The following JAKMIP3 variants were observed in gnomAD, a reference collection of about 807,000 sequenced individuals.
JAKMIP3 encodes Janus kinase and microtubule interacting protein 3.
In JAKMIP3, 58 loss-of-function variants were observed where a neutral mutation model predicts 118.5. That is an observed-to-expected ratio of 0.49 (90% CI 0.40 to 0.61). The LOEUF is 0.61. Ranked by LOEUF, JAKMIP3 falls within the 20% of genes least tolerant of loss-of-function variation. The pLI is 0.00. For synonymous variants in JAKMIP3, 486 were observed against 451.2 expected (o/e 1.08, Z -0.98); for missense variants, 950 against 1,109.0 (o/e 0.86, Z 2.04).
chr10:132,052,934 G>A (rs150279300), intron 1 of JAKMIP3, among the ~76,000 whole-genome samples: 1 of 152,206 alleles, frequency 6.6e-6, no homozygotes, highest in Non-Finnish European at 1.5e-5. Flanking sequence ...GAATTGTTTT[G>A]TGAACTGTAT....
At chr10:132,157,249 C>T (rs551070712) in intron 19 of JAKMIP3, among the ~76,000 whole-genome samples, 12 of 152,240 alleles carry the variant, frequency 7.9e-5, no homozygotes, top group South Asian at 2.1e-4. Flanking sequence ...TGTGTGCGCA[C>T]GTGCATTTTC....
In JAKMIP3 at chr10:132,118,882, C is replaced by T. The variant is rs7080342; in HGVS notation, c.633+1308C>T. ...TTTTCTGTGCGGGGAAGGAAGGAAG[C>T]GTTGCCACTGTCCCGGGAAGGTGGG... On this transcript the variant is annotated intron_variant, in intron 3 of 23. Transcript: ENST00000684848. The surrounding 1 kb of genome is among the most constrained non-coding windows in gnomAD (Gnocchi z 4.8). Among the ~76,000 whole-genome samples, 22,892 of 152,186 alleles carry T rather than the reference C, an allele frequency of 0.15. 1,891 individuals carry two copies. The highest frequency in any genetic ancestry group is 0.25 in the East Asian group (1,282 of 5,184).
At chr10:132,074,052 G>C (rs1376471383) in intron 1 of JAKMIP3, among the ~76,000 whole-genome samples, 1 of 151,998 alleles carries the variant, frequency 6.6e-6, no homozygotes, top group African/African-American at 2.4e-5. Flanking sequence ...TTTGACTTTT[G>C]TTTTGTTTTG....
intron 2 of JAKMIP3, among the ~76,000 whole-genome samples, chr10:132,110,923 C>T (rs562236630): frequency 3.9e-5 from 6 of 152,326 alleles, no homozygotes; most frequent in African/African-American, 1.2e-4. Flanking sequence ...TGTAAGTCAC[C>T]GTGTTTTTGT....
At chr10:132,080,592 G>A (rs1461431738) in intron 1 of JAKMIP3, among the ~76,000 whole-genome samples, 2 of 130,628 alleles carry the variant, frequency 1.5e-5, no homozygotes, top group African/African-American at 2.9e-5. Flanking sequence ...TGCAATGTCA[G>A]CTCACTGCAA....
chr10:132,109,656 C>T (rs1469085360), intron 2 of JAKMIP3, among the ~76,000 whole-genome samples: 1 of 152,124 alleles, frequency 6.6e-6, no homozygotes, highest in Non-Finnish European at 1.5e-5. Flanking sequence ...TGGGCTTTCT[C>T]CTCTCCCTAC....
chr10:132,057,703 G>A (rs549465650), intron 1 of JAKMIP3, among the ~76,000 whole-genome samples: 7 of 152,300 alleles, frequency 4.6e-5, no homozygotes, highest in Middle Eastern at 3.4e-3. Context: ...GTACAGCAGG[G>A]GTGTCGACCC....
chr10:132,165,441 G>A (rs1326222319), intron 21 of JAKMIP3, among the ~76,000 whole-genome samples: 16 of 152,158 alleles, frequency 1.1e-4, no homozygotes, highest in Non-Finnish European at 1.8e-4. Context: ...CTGGGGGCCC[G>A]GCTCCCGACC....
At chr10:132,056,508 T>A (rs1387938582) in intron 1 of JAKMIP3, among the ~76,000 whole-genome samples, 1 of 152,224 alleles carries the variant, frequency 6.6e-6, no homozygotes, top group Admixed American at 6.5e-5. Flanking sequence ...ATCCCCTTTG[T>A]GGCTCTGCTG....
intron 1 of JAKMIP3, among the ~76,000 whole-genome samples, chr10:132,045,150 G>C (rs1193648602): frequency 2.6e-5 from 4 of 152,068 alleles, no homozygotes; most frequent in Admixed American, 1.3e-4. Flanking sequence ...GTGCACGAGC[G>C]TTCCAGTTTC....
chr10:132,166,891 C>T (rs2058963209), intron 21 of JAKMIP3, 92 bp from the exon 22 acceptor site: 1 of 887,778 alleles, frequency 1.1e-6, no homozygotes. Context: ...TGTCTTCAGT[C>T]TGTAATCGCG....
rs112668039 is a variant in JAKMIP3, at chr10:132,180,534, T to C, written c.*1104-1823T>C. On this transcript the variant is annotated intron_variant, in intron 23 of 23. Transcript: ENST00000684848. ...ACCTGGAAGCAGAACTGTGTGTGTGTGTGTGTGTGTGCGTGCGTGCATGCG... is the reference window on the plus strand; with the variant it reads ...ACCTGGAAGCAGAACTGTGTGTGTGCGTGTGTGTGTGCGTGCGTGCATGCG... 3.3e-3 allele frequency among the ~76,000 whole-genome samples: 109 copies of C among 33,208 alleles called. 11 individuals carry two copies. The highest frequency in any genetic ancestry group is 0.01 in the African/African-American group (52 of 5,098). 21.8% of individuals were successfully genotyped at this position (33,208 alleles called of 152,430 possible). A position where few individuals can be genotyped will look rare whatever the true frequency, so the allele number is the denominator to read the frequency against.
chr10:132,120,637 G>C (rs948521187), intron 3 of JAKMIP3, among the ~76,000 whole-genome samples: 1 of 152,248 alleles, frequency 6.6e-6, no homozygotes, highest in African/African-American at 2.4e-5. Context: ...GGTGAGAGGT[G>C]CCCTGAGGGT....
chr10:132,148,729 G>A (rs377670243), intron 14 of JAKMIP3, among the ~76,000 whole-genome samples: 4 of 152,246 alleles, frequency 2.6e-5, no homozygotes, highest in Admixed American at 6.5e-5. Context: ...GGAATCCCAC[G>A]GGCAGCTCAG....
At chr10:132,139,764 G>T (rs1208211899) in intron 9 of JAKMIP3, among the ~76,000 whole-genome samples, 2 of 152,208 alleles carry the variant, frequency 1.3e-5, no homozygotes, top group East Asian at 3.9e-4. Context: ...GGGAAGTCGG[G>T]TGGCCCTGGG....
At position 132,117,448 on chromosome 10, in the gene JAKMIP3, G is replaced by T; in HGVS notation, c.507G>T (p.Glu169Asp). 1 of 1,614,006 alleles carries T rather than the reference G, an allele frequency of 6.2e-7. No homozygotes were observed. Among genetic ancestry groups the T allele is most frequent in the Non-Finnish European group, 8.5e-7 (1 of 1,179,906 alleles). The change falls in exon 3 of 24, where the codon GAG (glutamate) becomes GAT (aspartate). Residue 169 changes from glutamate (E) to aspartate (D), a missense_variant. Glu to Asp is a conservative substitution (Grantham distance 45, BLOSUM62 2). Coordinates refer to ENST00000684848, the MANE Select transcript of JAKMIP3 (RefSeq NM_001323087.2). This position sits in a 1 kb window ranked among gnomAD's most constrained non-coding sequence, Gnocchi z 8.6. Reference protein sequence around the residue: ...SELKGAKRQVEEALTLVIQAD... With the variant: ...SELKGAKRQVDEALTLVIQAD... ...TCAAGGGCGCCAAAAGGCAGGTGGA[G>T]GAGGCGCTGACGCTGGTGATCCAAG...
chr10:132,167,887 C>A, intron 22 of JAKMIP3, 66 bp from the exon 23 acceptor site: 1 of 1,224,454 alleles, frequency 8.2e-7, no homozygotes, highest in Non-Finnish European at 1.1e-6. Context: ...GCCCCTCGGC[C>A]CTCGCCCCTC....
chr10:132,048,315 GTC>G (rs1377482348), intron 1 of JAKMIP3, among the ~76,000 whole-genome samples: 3 of 152,302 alleles, frequency 2.0e-5, no homozygotes, highest in African/African-American at 7.2e-5. Flanking sequence ...TGGTTCTTGA[GTC>G]TCTGCTCCTG....
At chr10:132,075,594 G>C (rs2040667162) in intron 1 of JAKMIP3, among the ~76,000 whole-genome samples, 1 of 151,868 alleles carries the variant, frequency 6.6e-6, no homozygotes, top group South Asian at 2.1e-4. Context: ...ATTTTTAGTA[G>C]AGGCAGGGTT....
Sources: gnomAD v4.1 joint callset for allele counts (sites outside exome capture counted in the v4.1 genomes callset) on GRCh38, gnomAD v4.1.1 for gene constraint, Gnocchi (gnomAD v3.1) non-coding constraint, MANE v1.5 for transcripts, NCBI Gene and HGNC (gene_info 2026-07-23, HGNC 2026-07-21) for gene names.